The following BRWD3 variants were observed in gnomAD, a reference collection of about 807,000 sequenced individuals.
BRWD3 encodes the protein bromodomain and WD repeat-containing protein 3.
A neutral mutation model predicts 149.7 loss-of-function variants in BRWD3; 10 were observed. That is an observed-to-expected ratio of 0.07 (90% CI 0.04 to 0.11). The LOEUF (loss-of-function observed/expected upper bound fraction) is 0.11, where lower values mean the gene tolerates loss of function less well. BRWD3 is among the 10% of genes least tolerant of loss of function. The pLI, the probability that BRWD3 is intolerant of heterozygous loss-of-function variation, is 1.00. For synonymous variants in BRWD3, 504 were observed against 456.7 expected (o/e 1.10, Z -1.32); for missense variants, 940 against 1,373.2 (o/e 0.68, Z 4.99).
chrX:80,734,020 GAT>G, intron 11 of BRWD3, 96 bp downstream of exon 11: 1 of 636,540 alleles, frequency 1.6e-6, no homozygotes, highest in Non-Finnish European at 2.6e-6. Flanking sequence ...CAAAATTTGT[GAT>G]TTGTATATGT....
intron 20 of BRWD3, among the ~76,000 whole-genome samples, chrX:80,714,356 C>A (rs1483127740): frequency 2.8e-5 from 3 of 108,034 alleles, no homozygotes; most frequent in Non-Finnish European, 5.7e-5. Context: ...CTCAGCCTCC[C>A]GAGTAGCTGG....
chrX:80,714,819 C>T (rs929583235), intron 20 of BRWD3, among the ~76,000 whole-genome samples: 5 of 111,920 alleles, frequency 4.5e-5, no homozygotes, highest in Admixed American at 1.9e-4. Context: ...CTACTATTTG[C>T]GGACAATATA....
chrX:80,688,349 T>A (rs1249898520), intron 33 of BRWD3, among the ~76,000 whole-genome samples: 1 of 111,534 alleles, frequency 9.0e-6, no homozygotes, highest in Non-Finnish European at 1.9e-5. Context: ...GGTTTCTCTT[T>A]AAACAAGAAT....
chrX:80,809,177 C>T, intron 2 of BRWD3, 69 bp downstream of exon 2: 1 of 1,148,212 alleles, frequency 8.7e-7, no homozygotes, highest in Non-Finnish European at 1.2e-6. Flanking sequence ...CGGAACTGCT[C>T]GTCCCGCTGC....
In BRWD3 at chrX:80,733,440, T is replaced by C; in HGVS notation, c.1127+16A>G. On this transcript the variant is annotated intron_variant, in intron 12 of 40. Transcript: ENST00000373275. ...TATCAAACATTTGTTTACACAAATA[T>C]GTATTACATAATTACCTGTCTCCAT... The C allele has an allele frequency of 8.6e-7, 1 of 1,165,373 alleles. No individual in the cohort carries two copies.
At chrX:80,742,896 C>T (rs1393385923) in intron 8 of BRWD3, among the ~76,000 whole-genome samples, 18 of 111,275 alleles carry the variant, frequency 1.6e-4, no homozygotes, top group South Asian at 1.5e-3. Context: ...TTTCCTTCTC[C>T]TGCCTGATTG....
chrX:80,738,013 A>G (rs2073428116), intron 8 of BRWD3, among the ~76,000 whole-genome samples: 1 of 112,580 alleles, frequency 8.9e-6, no homozygotes, highest in Non-Finnish European at 1.9e-5. Flanking sequence ...TGTGACAGAG[A>G]TTGTATGACA....
chrX:80,778,278 C>G (rs1237636816), intron 6 of BRWD3, among the ~76,000 whole-genome samples: 6 of 111,612 alleles, frequency 5.4e-5, no homozygotes, highest in Non-Finnish European at 7.5e-5. Flanking sequence ...AAATAATGTT[C>G]AAATATGATG....
chrX:80,773,098 G>A (rs958993908), intron 6 of BRWD3, among the ~76,000 whole-genome samples: 4 of 112,095 alleles, frequency 3.6e-5, no homozygotes, highest in Non-Finnish European at 7.5e-5. Context: ...GAGGGAAGCC[G>A]ATGTGGTTAT....
chrX:80,799,769 A>G (rs977098191), intron 4 of BRWD3, among the ~76,000 whole-genome samples: 1 of 3,855 alleles, frequency 2.6e-4, no homozygotes, highest in African/African-American at 2.8e-4. Context: ...GAATCTTTGC[A>G]GCATCCCAGT....
intron 34 of BRWD3, 94 bp downstream of exon 34, chrX:80,687,972 CCTT>C: frequency 3.1e-6 from 2 of 642,309 alleles, no homozygotes. Context: ...TTGCAAGAAT[CCTT>C]CTAGCAATTC....
At chrX:80,798,674 T>C (rs1469095037) in intron 4 of BRWD3, among the ~76,000 whole-genome samples, 1 of 110,124 alleles carries the variant, frequency 9.1e-6, no homozygotes, top group African/African-American at 3.3e-5. Flanking sequence ...GGCTCACGCC[T>C]GTAATCTCAG....
intron 6 of BRWD3, among the ~76,000 whole-genome samples, chrX:80,774,439 G>T (rs1296793196): frequency 9.2e-6 from 1 of 108,521 alleles, no homozygotes; most frequent in Non-Finnish European, 1.9e-5. Flanking sequence ...TTTCTTCCAG[G>T]TTCCTTCAGA....
chrX:80,704,578 T>C (rs1291916489), intron 23 of BRWD3, 100 bp downstream of exon 23: 1 of 824,789 alleles, frequency 1.2e-6, no homozygotes, highest in Non-Finnish European at 1.7e-6. Context: ...AGATGAAATG[T>C]TATTTTTAGA....
chrX:80,716,408 A>G (rs902656857), intron 19 of BRWD3, among the ~76,000 whole-genome samples, 158 bp from the exon 20 acceptor site: 3 of 112,322 alleles, frequency 2.7e-5, no homozygotes, highest in Non-Finnish European at 5.6e-5. Flanking sequence ...AAAGTTGTGC[A>G]ACCATTACCA....
intron 22 of BRWD3, 34 bp from the exon 23 acceptor site, chrX:80,704,880 A>C: frequency 1.8e-6 from 2 of 1,126,736 alleles, no homozygotes; most frequent in African/African-American, 1.8e-5. Flanking sequence ...ATACCTAAGT[A>C]TAGAAAAGGA....
At chrX:80,805,963 C>T (rs907911605) in intron 4 of BRWD3, among the ~76,000 whole-genome samples, 4 of 111,462 alleles carry the variant, frequency 3.6e-5, no homozygotes, top group African/African-American at 1.3e-4. Context: ...AAACACCTAC[C>T]CCAAGAAAAA....
In BRWD3 at chrX:80,709,870, C is replaced by A. The variant is rs751681392; in HGVS notation, c.2326-293G>T. 2.4e-4 allele frequency: 136 copies of A among 558,522 alleles called. No individual in the cohort carries two copies. In the South Asian group the frequency reaches 3.4e-3, roughly 14 times the overall value. 46.0% of individuals were successfully genotyped at this position (558,522 alleles called of 1,213,427 possible). On this transcript the variant is annotated intron_variant, in intron 20 of 40. Transcript: ENST00000373275. Reference sequence around the variant, plus strand: ...CAACGCAGAGTAATAGTTTAGGCAGCAACTTCTTGATCCTCAGTTTTGCCA... The same window carrying A: ...CAACGCAGAGTAATAGTTTAGGCAGAAACTTCTTGATCCTCAGTTTTGCCA...
chrX:80,769,622 T>TG (rs753382378), intron 6 of BRWD3, among the ~76,000 whole-genome samples: 97 of 111,359 alleles, frequency 8.7e-4, no homozygotes, highest in Non-Finnish European at 1.4e-3. Flanking sequence ...CAGCACTAAA[T>TG]GCCCCTAACA....
Sources: allele counts gnomAD v4.1 joint callset (sites outside exome capture counted in the v4.1 genomes callset), GRCh38; gene constraint gnomAD v4.1.1; transcripts MANE v1.5; gene names NCBI Gene and HGNC (gene_info 2026-07-23, HGNC 2026-07-21).